CMC1: variants seen among roughly 807,000 people sequenced by gnomAD.
CMC1 encodes the protein COX assembly mitochondrial protein homolog.
CMC1 carries 14 observed loss-of-function variants against 14.1 expected under a neutral mutation model. That is an observed-to-expected ratio of 0.99 (90% confidence interval 0.66 to 1.55). CMC1 has a LOEUF of 1.55. Ranked by LOEUF, CMC1 falls within the 40% of genes most tolerant of loss-of-function variation. The pLI is 0.00. For missense variants in CMC1, 127 were observed against 123.8 expected (o/e 1.03, Z -0.12); for synonymous variants, 50 against 38.4 (o/e 1.30, Z -1.12).
intron 2 of CMC1, among the ~76,000 whole-genome samples, chr3:28,271,330 C>G (rs1420002703): frequency 1.3e-5 from 2 of 152,088 alleles, no homozygotes; most frequent in African/African-American, 4.8e-5. Flanking sequence ...GAACTTCTGA[C>G]CTCAAGTGAT....
At chr3:28,281,963 A>G (rs563936349) in intron 2 of CMC1, among the ~76,000 whole-genome samples, 2 of 152,266 alleles carry the variant, frequency 1.3e-5, no homozygotes, top group South Asian at 4.1e-4. Flanking sequence ...GTAGATAAAG[A>G]CTGAGAGTCA....
Position 28,304,729 on chromosome 3 carries a change from T to C in CMC1, c.110-11604T>C, listed in dbSNP as rs774742556. ...TATAGAAGAATGAAGACAATGACTT[T>C]AGAAAGTATAATAAGAATTTAAACA... On this transcript the variant is annotated intron_variant, in intron 2 of 3. Transcript: ENST00000466830. Among the ~76,000 whole-genome samples the C allele has an allele frequency of 9.2e-5, 14 of 152,334 alleles. 1 individual carries two copies. Among genetic ancestry groups the C allele is most frequent in the Admixed American group, 3.3e-4 (5 of 15,298 alleles).
chr3:28,317,329 C>T (rs1702976207), intron 3 of CMC1: 1 of 151,676 alleles, frequency 6.6e-6, no homozygotes, highest in Admixed American at 6.6e-5. Flanking sequence ...GAAACATAAT[C>T]AATATTGATT....
rs962588171 is a variant in CMC1, at chr3:28,253,753, T to C, written c.20-9538T>C. ...CAGAGTAAACAGTAGCACCAAACTG[T>C]CTTCAGGAGCAAGTAAGTGTTAACT... On this transcript the variant is annotated intron_variant, in intron 1 of 3. Coordinates refer to ENST00000466830, the MANE Select transcript of CMC1 (RefSeq NM_182523.2). The C allele has an allele frequency of 4.7e-6, 6 of 1,285,878 alleles. No homozygotes were observed. The Admixed American group carries it at 1.4e-4, about 30-fold the overall frequency. 79.7% of individuals were successfully genotyped at this position (1,285,878 alleles called of 1,614,324 possible). A position where few individuals can be genotyped will look rare whatever the true frequency, so the allele number is the denominator to read the frequency against.
At position 28,241,700 on chromosome 3, in the gene CMC1, C is replaced by T. The variant is rs1176594774; in HGVS notation, c.-94C>T. On this transcript the variant is annotated 5_prime_UTR_variant, in exon 1 of 4. Coordinates refer to ENST00000466830, the MANE Select transcript of CMC1 (RefSeq NM_182523.2). ...TCTGTTGCGGGAAGCTCCCGGGGGT[C>T]GCACGTGCGTCCGAGCCCAAGCCCC... 8.1e-7 allele frequency: 1 copy of T among 1,237,474 alleles called. No individual in the cohort carries two copies. Among genetic ancestry groups the T allele is most frequent in the Non-Finnish European group, 1.0e-6 (1 of 987,964 alleles). 76.7% of individuals were successfully genotyped at this position (1,237,474 alleles called of 1,614,324 possible).
chr3:28,307,067 T>A (rs746358099), intron 2 of CMC1, among the ~76,000 whole-genome samples: 18 of 152,212 alleles, frequency 1.2e-4, no homozygotes, highest in Non-Finnish European at 2.2e-4. Context: ...CTATTTCCTT[T>A]TAATCACCTT....
At chr3:28,296,316 AAT>A (rs1370860272) in intron 2 of CMC1, among the ~76,000 whole-genome samples, 3 of 152,140 alleles carry the variant, frequency 2.0e-5, no homozygotes, top group African/African-American at 7.2e-5. Context: ...ACATTAAAAA[AAT>A]ATGATTCTTT....
At chr3:28,280,475 C>T (rs1375280072) in intron 2 of CMC1, among the ~76,000 whole-genome samples, 1 of 151,998 alleles carries the variant, frequency 6.6e-6, no homozygotes, top group Middle Eastern at 3.2e-3. Context: ...GGTAAGAAAA[C>T]ATATGTAATG....
intron 2 of CMC1, among the ~76,000 whole-genome samples, chr3:28,314,199 G>T (rs1251196753): frequency 6.6e-6 from 1 of 152,164 alleles, no homozygotes; most frequent in Non-Finnish European, 1.5e-5. Flanking sequence ...TGTAAAGGTA[G>T]ATCTTAACAT....
chr3:28,248,875 C>T (rs1280274556), intron 1 of CMC1, among the ~76,000 whole-genome samples: 1 of 152,104 alleles, frequency 6.6e-6, no homozygotes. Context: ...CTGCAAGCTC[C>T]GCTTCCTGGG....
At chr3:28,287,693 G>T (rs1467357869) in intron 2 of CMC1, among the ~76,000 whole-genome samples, 2 of 151,266 alleles carry the variant, frequency 1.3e-5, no homozygotes, top group Non-Finnish European at 3.0e-5. Context: ...AATATATATT[G>T]GTTTTTATTT....
chr3:28,286,341 G>T (rs931915930), intron 2 of CMC1, among the ~76,000 whole-genome samples: 3 of 152,172 alleles, frequency 2.0e-5, no homozygotes, highest in African/African-American at 7.2e-5. Context: ...TGTTTTTCCT[G>T]TAGTGTTTTA....
intron 2 of CMC1, among the ~76,000 whole-genome samples, chr3:28,295,891 G>GA (rs1309169084): frequency 6.6e-6 from 1 of 151,960 alleles, no homozygotes. Context: ...TATTGGGGGG[G>GA]AAAAACCCAT....
chr3:28,255,082 T>A (rs952371514), intron 1 of CMC1, among the ~76,000 whole-genome samples: 33 of 152,144 alleles, frequency 2.2e-4, no homozygotes, highest in African/African-American at 7.0e-4. Context: ...AATGGTCATA[T>A]CCTTTTACTT....
intron 1 of CMC1, among the ~76,000 whole-genome samples, chr3:28,257,474 A>G (rs1006106712): frequency 1.3e-5 from 2 of 152,092 alleles, no homozygotes; most frequent in African/African-American, 4.8e-5. Context: ...ATTCTGAATA[A>G]TGCTTCTCTA....
intron 2 of CMC1, among the ~76,000 whole-genome samples, chr3:28,302,871 A>G (rs975640704): frequency 6.6e-6 from 1 of 152,154 alleles, no homozygotes; most frequent in Non-Finnish European, 1.5e-5. Context: ...GCCTGGGTTA[A>G]GTCTCTATTG....
intron 1 of CMC1, among the ~76,000 whole-genome samples, chr3:28,246,171 T>C (rs1271289620): frequency 1.3e-5 from 2 of 151,950 alleles, no homozygotes; most frequent in Admixed American, 6.6e-5. Flanking sequence ...ATAAATTACG[T>C]TGGTGGCTCA....
chr3:28,301,476 C>T (rs1457601486), intron 2 of CMC1, among the ~76,000 whole-genome samples: 1 of 152,192 alleles, frequency 6.6e-6, no homozygotes, highest in Non-Finnish European at 1.5e-5. Flanking sequence ...CTGCCTCAGC[C>T]TCCCAAAGTG....
chr3:28,300,132 A>T (rs112612520), intron 2 of CMC1, among the ~76,000 whole-genome samples: 1,839 of 152,214 alleles, frequency 0.012, 37 homozygotes, highest in African/African-American at 0.041. Flanking sequence ...CTTATTTATT[A>T]GCAAAGTATC....
Sources: gnomAD v4.1 joint callset for allele counts (sites outside exome capture counted in the v4.1 genomes callset) on GRCh38, gnomAD v4.1.1 for gene constraint, MANE v1.5 for transcripts, NCBI Gene and HGNC (gene_info 2026-07-23, HGNC 2026-07-21) for gene names.